NFE2L1: variants seen among roughly 807,000 people sequenced by gnomAD.
NFE2L1 encodes endoplasmic reticulum membrane sensor NFE2L1.
A neutral mutation model predicts 61.6 loss-of-function variants in NFE2L1; 18 were observed. That is an observed-to-expected ratio of 0.29 (90% CI 0.20 to 0.43). The LOEUF (loss-of-function observed/expected upper bound fraction) is 0.43. Among genes scored for constraint, NFE2L1 ranks in the 20% least tolerant of loss-of-function variants. NFE2L1 has a pLI of 1.00. For missense variants in NFE2L1, 827 were observed against 973.5 expected (o/e 0.85, Z 2.00); for synonymous variants, 419 against 402.7 (o/e 1.04, Z -0.48).
At chr17:48,055,077 C>G (rs1036908274) in intron 2 of NFE2L1, 32 of 1,480,334 alleles carry the variant, frequency 2.2e-5, no homozygotes, top group South Asian at 1.3e-5. Context: ...GGCAGCCGGC[C>G]CCTTAACTCT....
In NFE2L1 at chr17:48,056,591, C is replaced by T; in HGVS notation, c.716C>T (p.Pro239Leu). ...GATGGAGAGACTGGGGAGAGCTTCC[C>T]TGCACAGGTACCATCGCCCCTGCTC... ...LVDGETGESF[P>L]AQVPSGEDQT... The change falls in exon 3 of 6, where the codon CCT becomes CTT. Residue 239 changes from proline to leucine, a missense_variant. Pro to Leu is a moderately conservative substitution (Grantham distance 98). Around this residue, in one of 3 missense-constraint regions of NFE2L1, gnomAD observed 667 missense variants for 748.4 expected, o/e 0.89. Transcript: ENST00000362042. The T allele has an allele frequency of 6.2e-7, 1 of 1,612,864 alleles. No individual in the cohort carries two copies. The highest frequency in any genetic ancestry group is 8.5e-7 in the Non-Finnish European group (1 of 1,179,842).
At position 48,058,594 on chromosome 17, in the gene NFE2L1, C is replaced by T. The variant is rs780176783; in HGVS notation, c.1272C>T (p.Gly424=). The T allele has an allele frequency of 2.0e-5, 33 of 1,613,610 alleles. No individual in the cohort carries two copies. Among genetic ancestry groups the T allele is most frequent in the Non-Finnish European group, 2.8e-5 (33 of 1,179,708 alleles). The change falls in exon 6 of 6, where the codon GGC becomes GGT. Residue 424 remains glycine, a synonymous_variant. Coordinates refer to ENST00000362042, the MANE Select transcript of NFE2L1 (RefSeq NM_003204.3). ...TCTTCTTTCCACCCCAGCTCAATGG[C>T]ACAGCCAATGACACAGCAGGCCCAG... is the stretch of plus-strand genomic sequence containing the variant. ...TGLFFPPQLN[G]TANDTAGPEL...
chr17:48,049,222 TC>T (rs2037179209), intron 1 of NFE2L1: 2 of 152,194 alleles, frequency 1.3e-5, no homozygotes, highest in African/African-American at 2.4e-5. Flanking sequence ...CAGATTTACT[TC>T]CTCTGCACTG....
chr17:48,057,533 T>C (rs1360484166), intron 5 of NFE2L1, 31 bp downstream of exon 5: 17 of 1,597,992 alleles, frequency 1.1e-5, no homozygotes, highest in Non-Finnish European at 1.2e-5. Context: ...CACAAACCTA[T>C]TGGATTTTGC....
chr17:48,059,856 CGGACA>C lies in NFE2L1; in HGVS notation c.*218_*222del. Reference sequence around the variant, plus strand: ...AGTGGAAGTGGCCAGACCATTTAGACGGACAGGGTCCTCACCCTACCCCTTTCCTG... The same window carrying C: ...AGTGGAAGTGGCCAGACCATTTAGACGGGTCCTCACCCTACCCCTTTCCTG... On this transcript the variant is annotated 3_prime_UTR_variant, in exon 6 of 6. Coordinates refer to ENST00000362042, the MANE Select transcript of NFE2L1 (RefSeq NM_003204.3). This position sits in a 1 kb window ranked among gnomAD's most constrained non-coding sequence, Gnocchi z 6.1. 1 of 626,786 alleles carries C rather than the reference CGGACA, an allele frequency of 1.6e-6. No individual in the cohort carries two copies. 38.8% of individuals were successfully genotyped at this position (626,786 alleles called of 1,614,324 possible).
Position 48,058,296 on chromosome 17 carries a change from C to T in NFE2L1, c.974C>T (p.Ala325Val), listed in dbSNP as rs1489105176. The T allele has an allele frequency of 1.9e-6, 3 of 1,569,962 alleles. No homozygotes were observed. Among genetic ancestry groups the T allele is most frequent in the Admixed American group, 3.5e-5 (2 of 56,436 alleles). Residue 325 changes from alanine to valine, a missense_variant and splice_region_variant, in exon 6 of 6, where the codon GCC becomes GTC. Transcript: ENST00000362042. ...QDLMSIMEMQ[A>V]MEVNTSASEI... ...AGTGGTGCTCTTCTCCCCTCCCAGG[C>T]CATGGAAGTGAACACATCAGCAAGT...
intron 2 of NFE2L1, chr17:48,055,204 G>T (rs974987768): frequency 3.8e-5 from 48 of 1,247,334 alleles, no homozygotes; most frequent in Non-Finnish European, 4.5e-5. Context: ...TTAGGGTCAG[G>T]GGGGGTTAAT....
intron 2 of NFE2L1, among the ~76,000 whole-genome samples, 158 bp from the exon 3 acceptor site, chr17:48,056,228 G>A (rs2037397364): frequency 1.3e-5 from 2 of 152,044 alleles, no homozygotes; most frequent in African/African-American, 4.8e-5. Context: ...ATGAACACTT[G>A]CTGGTGCAGG....
chr17:48,053,399 C>G (rs186049483), intron 2 of NFE2L1, among the ~76,000 whole-genome samples: 2 of 152,064 alleles, frequency 1.3e-5, no homozygotes, highest in Non-Finnish European at 2.9e-5. Flanking sequence ...TATTATGTGT[C>G]TAGAACAACA....
chr17:48,049,187 G>GATT (rs1392864201), intron 1 of NFE2L1: 1 of 152,220 alleles, frequency 6.6e-6, no homozygotes, highest in Non-Finnish European at 1.5e-5. Context: ...GACATTAATG[G>GATT]AAGCTCAAAA....
chr17:48,058,934 G>A lies in NFE2L1; in HGVS notation c.1612G>A (p.Ala538Thr), dbSNP rs2037477144. The change falls in exon 6 of 6, where the codon GCC becomes ACC. Residue 538 changes from alanine to threonine, a missense_variant. By Grantham distance (58) the Ala-to-Thr change is moderately conservative. Transcript: ENST00000362042. The stretch of plus-strand genomic sequence containing the variant: ...CTCTGAGACCCTGGATCTGGAAGAG[G>A]CCGAGGGTGCTGTGGGCTACCAGCC... ...SDSETLDLEEAEGAVGYQPEY... is the reference protein window; with the variant it reads ...SDSETLDLEETEGAVGYQPEY... 1 of 1,613,836 alleles carries A rather than the reference G, an allele frequency of 6.2e-7. No individual in the cohort carries two copies. Among genetic ancestry groups the A allele is most frequent in the Non-Finnish European group, 8.5e-7 (1 of 1,180,036 alleles).
intron 4 of NFE2L1, 34 bp from the exon 5 acceptor site, chr17:48,057,310 T>TC: frequency 9.3e-6 from 15 of 1,605,350 alleles, no homozygotes; most frequent in Non-Finnish European, 1.3e-5. Flanking sequence ...GGTTTTTCCT[T>TC]CCCCCTTGTT....
Position 48,061,004 on chromosome 17 carries a change from T to C in NFE2L1, c.*1363T>C, listed in dbSNP as rs1334972121. 3 of 152,644 alleles carry C rather than the reference T, an allele frequency of 2.0e-5. No homozygotes were observed. Among genetic ancestry groups the C allele is most frequent in the Non-Finnish European group, 4.4e-5 (3 of 68,056 alleles). 9.5% of individuals were successfully genotyped at this position (152,644 alleles called of 1,614,324 possible). A position where few individuals can be genotyped will look rare whatever the true frequency, so the allele number is the denominator to read the frequency against. On this transcript the variant is annotated 3_prime_UTR_variant, in exon 6 of 6. Coordinates refer to ENST00000362042, the MANE Select transcript of NFE2L1 (RefSeq NM_003204.3). ...TCCCGAGGTCGTCGTCTGCTTTCTT[T>C]TTTGGGTTTCTTTCTAGAAGATTGA...
chr17:48,055,196 AG>A, intron 2 of NFE2L1: 1 of 1,307,464 alleles, frequency 7.6e-7, no homozygotes, highest in South Asian at 2.1e-5. Context: ...GGGAGGTCTT[AG>A]GGTCAGGGGG....
At chr17:48,051,704 A>T (rs1317432221) in intron 2 of NFE2L1, 76 bp downstream of exon 2, 1 of 1,523,084 alleles carries the variant, frequency 6.6e-7, no homozygotes, top group Non-Finnish European at 8.8e-7. Context: ...TGGTCAGAAC[A>T]CTGAGCCCTG....
At position 48,059,601 on chromosome 17, in the gene NFE2L1, C is replaced by A; in HGVS notation, c.2279C>A (p.Ala760Asp). 1 of 1,580,660 alleles carries A rather than the reference C, an allele frequency of 6.3e-7. No individual in the cohort carries two copies. Among genetic ancestry groups the A allele is most frequent in the Non-Finnish European group, 8.6e-7 (1 of 1,161,454 alleles). Residue 760 changes from alanine to aspartate, a missense_variant, in exon 6 of 6, where the codon GCC (alanine) becomes GAC (aspartate). Ala to Asp is a moderately radical substitution (Grantham distance 126). This residue lies in a region of NFE2L1 where 86 missense variants were observed against 97.3 expected (regional missense o/e 0.88). Coordinates refer to ENST00000362042, the MANE Select transcript of NFE2L1 (RefSeq NM_003204.3). This position sits in a 1 kb window ranked among gnomAD's most constrained non-coding sequence, Gnocchi z 6.1. ...CCCCGCACGATGGCCGACCAGCAGG[C>A]CCGGCGGCAGGAGAGGAAGCCAAAG... ...LIPRTMADQQ[A>D]RRQERKPKDR...
rs2037496289 is a variant in NFE2L1, at chr17:48,059,573, A to T, written c.2251A>T (p.Ile751Phe). ...CGCCGGGGACGGCAGTGTCCTCCTC[A>T]TCCCCCGCACGATGGCCGACCAGCA... The part of the protein sequence containing the change: ...QYAGDGSVLL[I>F]PRTMADQQAR... The change falls in exon 6 of 6, where the codon ATC becomes TTC. Residue 751 changes from isoleucine (I) to phenylalanine (F), a missense_variant. Transcript: ENST00000362042. The surrounding 1 kb of genome is among the most constrained non-coding windows in gnomAD (Gnocchi z 6.1). 1.0e-5 allele frequency: 16 copies of T among 1,603,704 alleles called. No individual in the cohort carries two copies. The highest frequency in any genetic ancestry group is 2.2e-5 in the East Asian group (1 of 44,622).
intron 5 of NFE2L1, 127 bp from the exon 6 acceptor site, chr17:48,058,168 G>GTC: frequency 4.5e-6 from 6 of 1,342,040 alleles, no homozygotes; most frequent in Admixed American, 5.2e-5. Context: ...TGACACTGTG[G>GTC]GCTTTGGTTT....
intron 2 of NFE2L1, among the ~76,000 whole-genome samples, chr17:48,052,456 C>T (rs2037278330): frequency 6.6e-6 from 1 of 152,196 alleles, no homozygotes; most frequent in Admixed American, 6.5e-5. Flanking sequence ...AAGAGGCCCA[C>T]TGCACTCCCC....
Sources: allele counts gnomAD v4.1 joint callset (sites outside exome capture counted in the v4.1 genomes callset), GRCh38; gene constraint gnomAD v4.1.1; regional missense constraint gnomAD v4.1.1; non-coding constraint Gnocchi (gnomAD v3.1); transcripts MANE v1.5; gene names NCBI Gene and HGNC (gene_info 2026-07-23, HGNC 2026-07-21).